NPHP3: variants seen among roughly 807,000 people sequenced by gnomAD.
The protein encoded by NPHP3 is nephrocystin-3.
Under a neutral mutation model 171.9 loss-of-function variants are expected in NPHP3, and 123 were observed. That is an observed-to-expected ratio of 0.72 (90% CI 0.62 to 0.83). The LOEUF (loss-of-function observed/expected upper bound fraction) is 0.83, where lower values mean the gene tolerates loss of function less well. Among genes scored for constraint, NPHP3 ranks in the 40% least tolerant of loss-of-function variants. The probability of loss-of-function intolerance (pLI) is 0.00; values close to 1 mark genes in which losing one functional copy is unlikely to be tolerated. For missense variants in NPHP3, 1,506 were observed against 1,591.9 expected, an observed-to-expected ratio of 0.95 and a Z score of 0.92; for synonymous variants, 558 against 579.2, an observed-to-expected ratio of 0.96 and a Z score of 0.52.
chr3:132,697,785 T>A (rs1379881367), intron 13 of NPHP3, among the ~76,000 whole-genome samples: 1 of 152,120 alleles, frequency 6.6e-6, no homozygotes, highest in Non-Finnish European at 1.5e-5. Flanking sequence ...ATTGCATTTG[T>A]GGGGGAGTGA....
At chr3:132,696,707 T>C (rs1210440376) in intron 15 of NPHP3, 24 bp downstream of exon 15, 6 of 1,603,240 alleles carry the variant, frequency 3.7e-6, no homozygotes, top group South Asian at 1.1e-5. Context: ...ATGCAGAAGA[T>C]CATGTAAAAT....
chr3:132,696,655 C>A, intron 15 of NPHP3, 76 bp downstream of exon 15: 1 of 1,266,500 alleles, frequency 7.9e-7, no homozygotes, highest in South Asian at 1.2e-5. Flanking sequence ...GATCAGTTCT[C>A]AGTTTTGCAG....
intron 13 of NPHP3, among the ~76,000 whole-genome samples, chr3:132,698,053 C>A (rs973521485): frequency 3.3e-5 from 5 of 151,854 alleles, no homozygotes; most frequent in Non-Finnish European, 7.4e-5. Context: ...GCCATCTCGG[C>A]TCACTGCAAC....
At chr3:132,707,555 A>G (rs1576678171) in intron 7 of NPHP3, among the ~76,000 whole-genome samples, 1 of 152,250 alleles carries the variant, frequency 6.6e-6, no homozygotes, top group South Asian at 2.1e-4. Context: ...ACAAAATACC[A>G]TCTGATCATA....
Position 132,683,478 on chromosome 3 carries a change from A to T in NPHP3, c.3617T>A (p.Ile1206Asn). The stretch of plus-strand genomic sequence containing the variant: ...CTTTGGGCCAAAAGATTTCTGTCGA[A>T]TTTCAACAGCCAATTCATACAAAGG... ...AVPLYELAVE[I>N]RQKSFGPKHP... Residue 1206 changes from isoleucine (I) to asparagine (N), a missense_variant, in exon 25 of 27, where the codon ATT (isoleucine) becomes AAT (asparagine). Around this residue, in one of 3 missense-constraint regions of NPHP3, gnomAD observed 569 missense variants for 648.1 expected, o/e 0.88. Coordinates refer to ENST00000337331, the MANE Select transcript of NPHP3 (RefSeq NM_153240.5). The T allele has an allele frequency of 5.0e-6, 8 of 1,613,312 alleles. No homozygotes were observed. The highest frequency in any genetic ancestry group is 6.8e-6 in the Non-Finnish European group (8 of 1,179,410).
At chr3:132,701,644 ATGAAATCTATTTTTAG>A (rs1412409375) in intron 9 of NPHP3, 111 bp from the exon 10 acceptor site, 5 of 772,684 alleles carry the variant, frequency 6.5e-6, no homozygotes, top group Non-Finnish European at 1.1e-5. Flanking sequence ...GTGTGAGAAA[ATGAAATCTATTTTTAG>A]TGACAGCACC....
At position 132,701,438 on chromosome 3, in the gene NPHP3, TAAAAG is replaced by T. The variant is rs1939603329; in HGVS notation, c.1615_1619del (p.Leu539IlefsTer36). Reference sequence around the variant, plus strand: ...ATTGCACTGCATCATACCACTTTGATAAAAGAAGAGACTTCCCAGAACCTGGTCCT... The same window carrying T: ...ATTGCACTGCATCATACCACTTTGATAAGAGACTTCCCAGAACCTGGTCCT... On this transcript the variant is annotated frameshift_variant, in exon 10 of 27. Coordinates refer to ENST00000337331, the MANE Select transcript of NPHP3 (RefSeq NM_153240.5). LOFTEE classifies it high-confidence loss of function. 6.2e-7 allele frequency: 1 copy of T among 1,604,712 alleles called. No individual in the cohort carries two copies. Among genetic ancestry groups the T allele is most frequent in the Admixed American group, 1.7e-5 (1 of 60,004 alleles).
chr3:132,697,274 A>G lies in NPHP3; in HGVS notation c.2074T>C (p.Leu692=), dbSNP rs1939479118. Residue 692 remains leucine, a synonymous_variant, in exon 14 of 27, where the codon TTG becomes CTG. Transcript: ENST00000337331. The part of the protein sequence containing the change: ...IAECHSVDIK[L]SKEQEKKLER... ...AAAATACACACCTGCTCTTTACTCA[A>G]TTTAATGTCTACAGAGTGGCATTCT... 6.2e-7 allele frequency: 1 copy of G among 1,605,670 alleles called. No individual in the cohort carries two copies. Among genetic ancestry groups the G allele is most frequent in the Middle Eastern group, 1.7e-4 (1 of 6,046 alleles).
chr3:132,692,819 C>G lies in NPHP3; in HGVS notation c.2311-1G>C, dbSNP rs1363032805. 14 of 1,613,462 alleles carry G rather than the reference C, an allele frequency of 8.7e-6. No individual in the cohort carries two copies. Among genetic ancestry groups the G allele is most frequent in the Non-Finnish European group, 1.2e-5 (14 of 1,179,622 alleles). ...GACTAACATTGACAAGGCAGAGGAT[C>G]TAGGTAGAAAAACAAATTAACAGTA... On this transcript the variant is annotated splice_acceptor_variant, in intron 16 of 26. Coordinates refer to ENST00000337331, the MANE Select transcript of NPHP3 (RefSeq NM_153240.5). LOFTEE classifies it high-confidence loss of function.
chr3:132,717,467 ACC>A (rs1940084104), intron 3 of NPHP3: 2 of 154,290 alleles, frequency 1.3e-5, no homozygotes, highest in Non-Finnish European at 2.9e-5. Flanking sequence ...ATCCTTGATA[ACC>A]TTAAGTAAAT....
In NPHP3 at chr3:132,722,224, C is replaced by A; in HGVS notation, c.132G>T (p.Ser44=). The A allele has an allele frequency of 6.5e-7, 1 of 1,543,712 alleles. No individual in the cohort carries two copies. The change falls in exon 1 of 27, where the codon TCG becomes TCT. Residue 44 remains serine, a synonymous_variant. Transcript: ENST00000337331. The part of the protein sequence containing the change: ...VKPKARLLRN[S]FRRGAGAAAG... ...CTGCCGCCCCCGCGCCTCGGCGGAA[C>A]GAGTTGCGCAGCAGGCGGGCCTTGG...
chr3:132,688,610 C>T (rs1350616643), intron 21 of NPHP3, 40 bp downstream of exon 21: 2 of 1,604,408 alleles, frequency 1.2e-6, no homozygotes, highest in South Asian at 1.1e-5. Flanking sequence ...CTGTAATCCC[C>T]CTGCATAAAA....
At chr3:132,682,173 G>T in intron 26 of NPHP3, 83 bp from the exon 27 acceptor site, 1 of 1,304,884 alleles carries the variant, frequency 7.7e-7, no homozygotes, top group Admixed American at 1.8e-5. Flanking sequence ...TACAGAAAAA[G>T]AAGCTGTAAA....
chr3:132,686,494 CTAG>C lies in NPHP3; in HGVS notation c.3202-110_3202-108del. 4 of 1,238,292 alleles carry C rather than the reference CTAG, an allele frequency of 3.2e-6. No individual in the cohort carries two copies. In the South Asian group the frequency reaches 5.0e-5, roughly 16 times the overall value. 76.7% of individuals were successfully genotyped at this position (1,238,292 alleles called of 1,614,324 possible). ...AAATCTTCCTTTTTTCCCATTTAAT[CTAG>C]ATAACTATTATTTTAAGCATCACAC... On this transcript the variant is annotated intron_variant, in intron 22 of 26. Coordinates refer to ENST00000337331, the MANE Select transcript of NPHP3 (RefSeq NM_153240.5).
At position 132,721,953 on chromosome 3, in the gene NPHP3, C is replaced by T; in HGVS notation, c.393+10G>A. The T allele has an allele frequency of 6.2e-7, 1 of 1,611,940 alleles. No homozygotes were observed. Among genetic ancestry groups the T allele is most frequent in the Admixed American group, 1.7e-5 (1 of 59,974 alleles). On this transcript the variant is annotated intron_variant, in intron 1 of 26. Coordinates refer to ENST00000337331, the MANE Select transcript of NPHP3 (RefSeq NM_153240.5). ...GGGTCTCCCGGCGTCGCGGCCCAGC[C>T]CGGCGTTACCTGCAGTTCGGCCCGC...
At chr3:132,720,373 A>G (rs1940174444) in intron 1 of NPHP3, among the ~76,000 whole-genome samples, 1 of 152,230 alleles carries the variant, frequency 6.6e-6, no homozygotes, top group African/African-American at 2.4e-5. Context: ...AGGATTGGTG[A>G]CATGAGTGAC....
In NPHP3 at chr3:132,688,904, G is replaced by A. The variant is rs1939230156; in HGVS notation, c.2884-13C>T. ...AAGGTACTATGGCCTGGGGGGAAAAGGGGTGAAAGGCCAGTTAAAGTGAGT... is the reference window on the plus strand; with the variant it reads ...AAGGTACTATGGCCTGGGGGGAAAAAGGGTGAAAGGCCAGTTAAAGTGAGT... On this transcript the variant is annotated splice_polypyrimidine_tract_variant and intron_variant, in intron 20 of 26. Transcript: ENST00000337331. 6.2e-7 allele frequency: 1 copy of A among 1,614,022 alleles called. No homozygotes were observed. The highest frequency in any genetic ancestry group is 8.5e-7 in the Non-Finnish European group (1 of 1,179,970).
chr3:132,703,882 C>T (rs1384334193), intron 9 of NPHP3, among the ~76,000 whole-genome samples: 1 of 152,208 alleles, frequency 6.6e-6, no homozygotes, highest in Non-Finnish European at 1.5e-5. Flanking sequence ...CACCTGGCCT[C>T]AGCCTTACTA....
chr3:132,704,312 G>A lies in NPHP3; in HGVS notation c.1410C>T (p.Ser470=). 6.2e-7 allele frequency: 1 copy of A among 1,614,120 alleles called. No individual in the cohort carries two copies. Among genetic ancestry groups the A allele is most frequent in the African/African-American group, 1.3e-5 (1 of 75,024 alleles). The change falls in exon 9 of 27, where the codon TCC becomes TCT. Residue 470 remains serine (S), a synonymous_variant. Transcript: ENST00000337331. ...CACCAAAATCATCTTCTTCTGGAATGGAATCCTCACTGCCCAAATCCTTAG... is the reference window on the plus strand; with the variant it reads ...CACCAAAATCATCTTCTTCTGGAATAGAATCCTCACTGCCCAAATCCTTAG... ...LETKDLGSED[S]IPEEDDFGDV... is the part of the protein sequence containing the mutation.
Sources: gnomAD v4.1 joint callset for allele counts (sites outside exome capture counted in the v4.1 genomes callset) on GRCh38, gnomAD v4.1.1 for gene constraint, gnomAD v4.1.1 regional missense constraint, MANE v1.5 for transcripts, NCBI Gene and HGNC (gene_info 2026-07-23, HGNC 2026-07-21) for gene names.